DYM: variants seen among roughly 807,000 people sequenced by gnomAD.
DYM encodes dyggve-Melchior-Clausen syndrome protein.
DYM carries 78 observed loss-of-function variants against 93.1 expected under a neutral mutation model. That is an observed-to-expected ratio of 0.84 (90% CI 0.70 to 1.01). The LOEUF (loss-of-function observed/expected upper bound fraction) is 1.01, where lower values mean the gene tolerates loss of function less well. Ranked by LOEUF, DYM falls within the 50% of genes least tolerant of loss-of-function variation. The pLI, the probability that DYM is intolerant of heterozygous loss-of-function variation, is 0.00. For missense variants in DYM, 789 were observed against 845.0 expected (o/e 0.93, Z 0.82); for synonymous variants, 321 against 319.7 (o/e 1.00, Z -0.04).
At chr18:49,123,406 T>C (rs1247783633) in intron 15 of DYM, among the ~76,000 whole-genome samples, 2 of 152,218 alleles carry the variant, frequency 1.3e-5, no homozygotes, top group African/African-American at 4.8e-5. Context: ...CAAGATCCCA[T>C]GGTGAGGCTG....
intron 15 of DYM, among the ~76,000 whole-genome samples, chr18:49,163,198 A>G (rs2145060019): frequency 6.6e-6 from 1 of 152,330 alleles, no homozygotes; most frequent in African/African-American, 2.4e-5. Flanking sequence ...CTTGTTAACA[A>G]TCATTTACAA....
intron 14 of DYM, among the ~76,000 whole-genome samples, chr18:49,172,330 T>C (rs1372711066): frequency 6.6e-6 from 1 of 152,230 alleles, no homozygotes; most frequent in Non-Finnish European, 1.5e-5. Context: ...TGTGTGAACA[T>C]ATGTTTTCAT....
At chr18:49,207,969 G>A (rs2092602363) in intron 14 of DYM, among the ~76,000 whole-genome samples, 1 of 152,016 alleles carries the variant, frequency 6.6e-6, no homozygotes, top group African/African-American at 2.4e-5. Context: ...GATCACTTGA[G>A]GTCAGGAGTT....
chr18:49,287,112 G>A (rs1164765370), intron 8 of DYM, among the ~76,000 whole-genome samples: 1 of 151,954 alleles, frequency 6.6e-6, no homozygotes, highest in Non-Finnish European at 1.5e-5. Context: ...GCTTGAACCT[G>A]GGAAGCAGAG....
At chr18:49,295,087 A>G (rs2060437976) in intron 8 of DYM, among the ~76,000 whole-genome samples, 1 of 152,220 alleles carries the variant, frequency 6.6e-6, no homozygotes. Flanking sequence ...TGAGGATACA[A>G]GCATTAAAAC....
chr18:49,222,213 T>A (rs1054728246), intron 13 of DYM, among the ~76,000 whole-genome samples: 2 of 152,102 alleles, frequency 1.3e-5, no homozygotes, highest in Non-Finnish European at 2.9e-5. Flanking sequence ...ATATTTATGT[T>A]ATTCAAAAAA....
At chr18:49,310,084 T>A (rs2061500254) in intron 8 of DYM, among the ~76,000 whole-genome samples, 1 of 152,242 alleles carries the variant, frequency 6.6e-6, no homozygotes, top group Non-Finnish European at 1.5e-5. Flanking sequence ...AGAAATTCAC[T>A]ATATTGGATA....
At chr18:49,176,226 TA>T (rs548797809) in intron 14 of DYM, among the ~76,000 whole-genome samples, 1 of 152,136 alleles carries the variant, frequency 6.6e-6, no homozygotes, top group Non-Finnish European at 1.5e-5. Context: ...TTATTACTGA[TA>T]AAATATGTTG....
At chr18:49,138,208 A>G (rs1388020077) in intron 15 of DYM, among the ~76,000 whole-genome samples, 2 of 152,220 alleles carry the variant, frequency 1.3e-5, no homozygotes, top group African/African-American at 4.8e-5. Flanking sequence ...GTATGTCAAC[A>G]AGACAAATAA....
intron 8 of DYM, among the ~76,000 whole-genome samples, chr18:49,309,301 A>C (rs1183616579): frequency 6.6e-6 from 1 of 152,156 alleles, no homozygotes; most frequent in East Asian, 1.9e-4. Flanking sequence ...GGCAAACTTG[A>C]AAGTTTGATT....
chr18:49,272,387 C>A, intron 10 of DYM, 84 bp from the exon 11 acceptor site: 1 of 968,618 alleles, frequency 1.0e-6, no homozygotes, highest in South Asian at 1.5e-5. Context: ...TCATTTTGTG[C>A]TCTTTGCTTT....
At chr18:49,348,516 C>T (rs2147121170) in intron 6 of DYM, among the ~76,000 whole-genome samples, 1 of 152,168 alleles carries the variant, frequency 6.6e-6, no homozygotes, top group African/African-American at 2.4e-5. Flanking sequence ...CCACTCAGTA[C>T]CGTTATCGAC....
chr18:49,404,036 C>T (rs1189609676), intron 2 of DYM, among the ~76,000 whole-genome samples: 1 of 151,248 alleles, frequency 6.6e-6, no homozygotes, highest in Non-Finnish European at 1.5e-5. Flanking sequence ...GAGATGGAGT[C>T]TCTTTCTGTC....
chr18:49,095,179 G>C (rs1045152388), intron 17 of DYM, among the ~76,000 whole-genome samples: 4 of 152,042 alleles, frequency 2.6e-5, no homozygotes, highest in Non-Finnish European at 4.4e-5. Flanking sequence ...ACTCAACACA[G>C]CTTGAATTTT....
At chr18:49,208,630 C>T (rs1016099663) in intron 14 of DYM, 1 of 152,124 alleles carries the variant, frequency 6.6e-6, no homozygotes, top group Non-Finnish European at 1.5e-5. Context: ...TGTATAGTCT[C>T]AAGTTTTATA....
intron 3 of DYM, among the ~76,000 whole-genome samples, chr18:49,383,899 A>G (rs112736272): frequency 9.3e-4 from 142 of 152,332 alleles, no homozygotes; most frequent in African/African-American, 3.3e-3. Context: ...TTACGCTGAA[A>G]CCTCAGAAGA....
chr18:49,409,924 G>A (rs1269016624), intron 2 of DYM, among the ~76,000 whole-genome samples: 2 of 152,186 alleles, frequency 1.3e-5, no homozygotes, highest in Admixed American at 1.3e-4. Flanking sequence ...CTTAGGTCGT[G>A]GAGCCTATAC....
intron 5 of DYM, among the ~76,000 whole-genome samples, chr18:49,366,747 T>A (rs2066551951): frequency 6.6e-6 from 1 of 152,228 alleles, no homozygotes; most frequent in African/African-American, 2.4e-5. Flanking sequence ...ACAGCAAACA[T>A]TTACCAAGTA....
intron 16 of DYM, among the ~76,000 whole-genome samples, chr18:49,102,829 G>A (rs779634586): frequency 3.7e-4 from 57 of 152,280 alleles, no homozygotes; most frequent in Non-Finnish European, 7.4e-4. Flanking sequence ...TGGACATTTG[G>A]CTTGGTTCCA....
Sources: gnomAD v4.1 joint callset for allele counts (sites outside exome capture counted in the v4.1 genomes callset) on GRCh38, gnomAD v4.1.1 for gene constraint, MANE v1.5 for transcripts, NCBI Gene and HGNC (gene_info 2026-07-23, HGNC 2026-07-21) for gene names.